The following PSD3 variants were observed in gnomAD, a reference collection of about 807,000 sequenced individuals.
PSD3 encodes the protein PH and SEC7 domain-containing protein 3.
A neutral mutation model predicts 105.5 loss-of-function variants in PSD3; 49 were observed. That is an observed-to-expected ratio of 0.46 (90% confidence interval 0.37 to 0.59). PSD3 has a LOEUF of 0.59. Ranked by LOEUF, PSD3 falls within the 20% of genes least tolerant of loss-of-function variation. The probability of loss-of-function intolerance (pLI) is 0.00; values close to 1 mark genes in which losing one functional copy is unlikely to be tolerated. For missense variants in PSD3, 1,561 were observed against 1,263.8 expected (o/e 1.24, Z -3.57); for synonymous variants, 557 against 457.8 (o/e 1.22, Z -2.77).
At chr8:18,652,427 C>T (rs921188244) in intron 10 of PSD3, among the ~76,000 whole-genome samples, 4 of 149,406 alleles carry the variant, frequency 2.7e-5, no homozygotes, top group Non-Finnish European at 4.4e-5. Flanking sequence ...ATGGGAGAAA[C>T]GGGAGAGCAC....
Position 18,779,965 on chromosome 8 carries a change from A to G in PSD3, c.2083-14427T>C, listed in dbSNP as rs113292660. 4.0e-3 allele frequency among the ~76,000 whole-genome samples: 613 copies of G among 152,344 alleles called. 6 individuals carry two copies. The highest frequency in any genetic ancestry group is 0.014 in the African/African-American group (573 of 41,578). ...TGATCTAAAACGAAGTTTAAATCCA[A>G]TACCTCTTTGTTGATGACTTGGCTA... On this transcript the variant is annotated intron_variant, in intron 8 of 15. Coordinates refer to ENST00000327040, the MANE Select transcript of PSD3 (RefSeq NM_015310.4).
At chr8:18,913,279 T>C (rs1437154837) in intron 2 of PSD3, among the ~76,000 whole-genome samples, 5 of 152,174 alleles carry the variant, frequency 3.3e-5, no homozygotes. Context: ...TGTTAAAGTT[T>C]CCCTTCTCTA....
chr8:18,833,078 A>C (rs1172120999), intron 4 of PSD3, among the ~76,000 whole-genome samples: 3 of 152,240 alleles, frequency 2.0e-5, no homozygotes, highest in African/African-American at 7.2e-5. Flanking sequence ...GTTATTTTTA[A>C]AGATTTAAAA....
chr8:18,750,562 C>T (rs1270616568), intron 9 of PSD3, among the ~76,000 whole-genome samples: 1 of 152,008 alleles, frequency 6.6e-6, no homozygotes, highest in Non-Finnish European at 1.5e-5. Flanking sequence ...ACAAACCTTC[C>T]ACAGTGTGGA....
intron 4 of PSD3, among the ~76,000 whole-genome samples, chr8:18,813,095 C>T (rs1252659776): frequency 6.6e-6 from 1 of 152,120 alleles, no homozygotes; most frequent in Non-Finnish European, 1.5e-5. Flanking sequence ...GAAGGAAAAG[C>T]CTCCTCCGAA....
At chr8:18,785,949 A>G (rs1395413397) in intron 8 of PSD3, among the ~76,000 whole-genome samples, 1 of 152,142 alleles carries the variant, frequency 6.6e-6, no homozygotes, top group Non-Finnish European at 1.5e-5. Context: ...CACTGATAAG[A>G]CTCGCTTGAC....
chr8:18,551,432 T>G (rs539296196), intron 15 of PSD3, among the ~76,000 whole-genome samples: 1 of 152,348 alleles, frequency 6.6e-6, no homozygotes, highest in Non-Finnish European at 1.5e-5. Context: ...TGCACATATA[T>G]CAATTTTGGA....
chr8:18,579,351 A>T (rs1802663559), intron 12 of PSD3, among the ~76,000 whole-genome samples: 1 of 152,210 alleles, frequency 6.6e-6, no homozygotes, highest in Non-Finnish European at 1.5e-5. Context: ...TAAATGTGAA[A>T]CAGTGAGCAA....
intron 1 of PSD3, among the ~76,000 whole-genome samples, chr8:18,988,192 A>G (rs1247977116): frequency 1.2e-5 from 1 of 81,444 alleles, no homozygotes; most frequent in African/African-American, 3.2e-5. Flanking sequence ...AAGCTGCTTG[A>G]ATTGAATTCT....
intron 12 of PSD3, among the ~76,000 whole-genome samples, chr8:18,588,303 T>C (rs1456276582): frequency 1.3e-5 from 2 of 152,156 alleles, no homozygotes; most frequent in Non-Finnish European, 2.9e-5. Flanking sequence ...GATATAGCCA[T>C]ACAAGACACA....
At chr8:18,557,366 G>C (rs1274609239) in intron 14 of PSD3, 1 of 152,226 alleles carries the variant, frequency 6.6e-6, no homozygotes, top group African/African-American at 2.4e-5. Flanking sequence ...TACATAAACA[G>C]AAAATGAATA....
chr8:18,816,805 T>C (rs143046804), intron 4 of PSD3, among the ~76,000 whole-genome samples: 1 of 152,174 alleles, frequency 6.6e-6, no homozygotes, highest in African/African-American at 2.4e-5. Flanking sequence ...TTAGGTCTAA[T>C]AAAGCATCAA....
intron 12 of PSD3, among the ~76,000 whole-genome samples, chr8:18,577,337 C>T (rs2634422): frequency 0.55 from 82,670 of 151,686 alleles, 22,610 homozygotes; most frequent in Middle Eastern, 0.61. Flanking sequence ...GTTTGATTTT[C>T]GTTAATGTTC....
At chr8:18,828,047 G>GTGTA (rs1554515316) in intron 4 of PSD3, among the ~76,000 whole-genome samples, 11 of 126,382 alleles carry the variant, frequency 8.7e-5, no homozygotes, top group African/African-American at 2.5e-4. Flanking sequence ...ATATATATAT[G>GTGTA]TATATATATA....
chr8:18,961,088 T>C (rs551298983), intron 1 of PSD3, among the ~76,000 whole-genome samples: 159 of 150,604 alleles, frequency 1.1e-3, no homozygotes, highest in Non-Finnish European at 1.7e-3. Flanking sequence ...TGAGACCCTG[T>C]CTCCAAAAAA....
chr8:18,760,077 C>T (rs763086930), intron 9 of PSD3, among the ~76,000 whole-genome samples: 3 of 151,462 alleles, frequency 2.0e-5, no homozygotes, highest in Non-Finnish European at 4.4e-5. Flanking sequence ...AGGATCAAGA[C>T]ACTGCATTTT....
intron 1 of PSD3, among the ~76,000 whole-genome samples, chr8:19,057,660 C>A (rs55825062): frequency 0.077 from 11,694 of 152,188 alleles, 621 homozygotes; most frequent in Middle Eastern, 0.17. Flanking sequence ...AAGAGTTATG[C>A]CCCCAAAGAA....
intron 1 of PSD3, among the ~76,000 whole-genome samples, chr8:18,962,028 T>C (rs1373114413): frequency 6.6e-6 from 1 of 152,060 alleles, no homozygotes; most frequent in Non-Finnish European, 1.5e-5. Flanking sequence ...TGCGGATCAC[T>C]TGAGGTCAGG....
At chr8:19,004,199 C>A (rs79590259) in intron 1 of PSD3, among the ~76,000 whole-genome samples, 1 of 151,916 alleles carries the variant, frequency 6.6e-6, no homozygotes, top group Non-Finnish European at 1.5e-5. Context: ...ATTTTCTATA[C>A]ATAAAAGTCT....
Sources: allele counts gnomAD v4.1 joint callset (sites outside exome capture counted in the v4.1 genomes callset), GRCh38; gene constraint gnomAD v4.1.1; transcripts MANE v1.5; gene names NCBI Gene and HGNC (gene_info 2026-07-23, HGNC 2026-07-21).